The following FAM13A variants were observed in gnomAD, a reference collection of about 807,000 sequenced individuals.
FAM13A encodes family with sequence similarity 13 member A.
FAM13A carries 76 observed loss-of-function variants against 129.6 expected under a neutral mutation model. The ratio of observed to expected loss-of-function variants is 0.59; its 90% CI spans 0.49 to 0.71. The LOEUF (loss-of-function observed/expected upper bound fraction) is 0.71. FAM13A is among the 30% of genes least tolerant of loss of function. The pLI is 0.00. For synonymous variants in FAM13A, 443 were observed against 449.9 expected (o/e 0.98, Z 0.20); for missense variants, 1,108 against 1,249.3 (o/e 0.89, Z 1.70).
intron 7 of FAM13A, among the ~76,000 whole-genome samples, chr4:88,814,303 G>C (rs1442823762): frequency 2.0e-5 from 3 of 152,296 alleles, no homozygotes; most frequent in Admixed American, 2.0e-4. Flanking sequence ...GGCTCAGTTA[G>C]ATAAGCCACA....
intron 7 of FAM13A, among the ~76,000 whole-genome samples, chr4:88,816,124 G>A (rs986655611): frequency 6.6e-6 from 1 of 151,894 alleles, no homozygotes; most frequent in African/African-American, 2.4e-5. Flanking sequence ...AGAAGCAGAA[G>A]AGGAAACCTT....
chr4:88,977,790 C>T (rs191735146), intron 4 of FAM13A, among the ~76,000 whole-genome samples: 18 of 152,136 alleles, frequency 1.2e-4, no homozygotes, highest in African/African-American at 3.6e-4. Flanking sequence ...CTAATAGCTG[C>T]GTAATAAAGT....
At chr4:88,937,970 T>C in intron 5 of FAM13A, 118 bp downstream of exon 5, 2 of 713,476 alleles carry the variant, frequency 2.8e-6, no homozygotes, top group East Asian at 2.6e-5. Context: ...GGATTCACTA[T>C]ACACAGGAAT....
intron 10 of FAM13A, among the ~76,000 whole-genome samples, chr4:88,785,862 G>A (rs1329952501): frequency 6.6e-6 from 1 of 152,124 alleles, no homozygotes; most frequent in Admixed American, 6.6e-5. Context: ...GTTAGGTACT[G>A]TTTGTACCCC....
In FAM13A at chr4:88,747,732, C is replaced by T. The variant is rs1741670166; in HGVS notation, c.2281G>A (p.Val761Met). 1.2e-6 allele frequency: 2 copies of T among 1,614,186 alleles called. No individual in the cohort carries two copies. Among genetic ancestry groups the T allele is most frequent in the Non-Finnish European group, 8.5e-7 (1 of 1,180,000 alleles). The change falls in exon 18 of 24, where the codon GTG (valine) becomes ATG (methionine). Residue 761 changes from valine (V) to methionine (M), a missense_variant. Val to Met is a conservative substitution (Grantham distance 21, BLOSUM62 1). Transcript: ENST00000264344. ...EKEDEKKQEL[V>M]DKAIKPSVEA... The stretch of plus-strand genomic sequence containing the variant: ...ACACTGGGCTTTATTGCTTTATCCA[C>T]CAGCTCTTGCTTCTTCTCATCTTCT...
chr4:88,793,127 G>A (rs1305440944), intron 8 of FAM13A, among the ~76,000 whole-genome samples: 1 of 151,942 alleles, frequency 6.6e-6, no homozygotes, highest in Non-Finnish European at 1.5e-5. Context: ...GAGTGGCAGA[G>A]GCTCTTATCT....
intron 3 of FAM13A, among the ~76,000 whole-genome samples, chr4:89,018,067 A>C (rs894099369): frequency 2.0e-5 from 3 of 152,242 alleles, no homozygotes; most frequent in Non-Finnish European, 4.4e-5. Flanking sequence ...GTTTGAAAAT[A>C]GGTAAAACTT....
At chr4:88,949,773 T>C (rs1756627575) in intron 4 of FAM13A, among the ~76,000 whole-genome samples, 1 of 152,214 alleles carries the variant, frequency 6.6e-6, no homozygotes, top group Non-Finnish European at 1.5e-5. Context: ...GACATTGGTG[T>C]TTCCAGGAAC....
intron 7 of FAM13A, chr4:88,823,050 C>T (rs41282403): frequency 4.8e-5 from 78 of 1,612,080 alleles, no homozygotes; most frequent in Non-Finnish European, 6.1e-5. Flanking sequence ...GTCTCTTCCA[C>T]GGCAAGTTTG....
At chr4:88,756,862 G>A (rs1479004983) in intron 14 of FAM13A, among the ~76,000 whole-genome samples, 1 of 151,986 alleles carries the variant, frequency 6.6e-6, no homozygotes, top group African/African-American at 2.4e-5. Context: ...ACTGAAAGCA[G>A]TAATCAAATG....
chr4:88,924,240 C>T (rs938801821), intron 5 of FAM13A, among the ~76,000 whole-genome samples: 22 of 152,076 alleles, frequency 1.4e-4, no homozygotes, highest in African/African-American at 4.6e-4. Flanking sequence ...GAGCCCGCAT[C>T]GCCAAGTCAA....
intron 7 of FAM13A, among the ~76,000 whole-genome samples, chr4:88,807,996 A>G (rs1578754820): frequency 6.6e-6 from 1 of 152,206 alleles, no homozygotes; most frequent in Admixed American, 6.5e-5. Context: ...AGTCAGTATT[A>G]CATTTAGTCA....
chr4:89,017,696 T>C (rs1416070788), intron 3 of FAM13A, among the ~76,000 whole-genome samples: 1 of 152,172 alleles, frequency 6.6e-6, no homozygotes, highest in Non-Finnish European at 1.5e-5. Context: ...TTTACAATAA[T>C]TTTCCAAACT....
chr4:89,043,403 A>G (rs2149164319), intron 1 of FAM13A, among the ~76,000 whole-genome samples: 1 of 152,300 alleles, frequency 6.6e-6, no homozygotes, highest in South Asian at 2.1e-4. Flanking sequence ...GAGGGGCTGT[A>G]TTAAGAAAAC....
intron 4 of FAM13A, among the ~76,000 whole-genome samples, chr4:88,939,956 A>G (rs911216133): frequency 1.3e-5 from 2 of 152,196 alleles, no homozygotes; most frequent in African/African-American, 4.8e-5. Context: ...TAAAAACGCA[A>G]CCCAGTTAAT....
intron 8 of FAM13A, among the ~76,000 whole-genome samples, chr4:88,802,217 G>C (rs1224920486): frequency 6.6e-6 from 1 of 151,726 alleles, no homozygotes; most frequent in Non-Finnish European, 1.5e-5. Flanking sequence ...CTAAGGGTTT[G>C]GCATAACCTA....
chr4:88,755,781 A>C (rs1434967997), intron 14 of FAM13A, among the ~76,000 whole-genome samples: 1 of 152,188 alleles, frequency 6.6e-6, no homozygotes, highest in Non-Finnish European at 1.5e-5. Context: ...GATGAGTTAG[A>C]TATATGAAGT....
chr4:89,045,432 C>T (rs1770721224), intron 1 of FAM13A, among the ~76,000 whole-genome samples: 1 of 152,050 alleles, frequency 6.6e-6, no homozygotes, highest in Non-Finnish European at 1.5e-5. Flanking sequence ...CTTTGGAATC[C>T]CCAATGAAGA....
chr4:88,776,597 T>A (rs1721758922), intron 11 of FAM13A, among the ~76,000 whole-genome samples: 1 of 152,216 alleles, frequency 6.6e-6, no homozygotes, highest in Admixed American at 6.5e-5. Flanking sequence ...CTTCTGAACA[T>A]TTAAATTGCT....
Sources: allele counts gnomAD v4.1 joint callset (sites outside exome capture counted in the v4.1 genomes callset), GRCh38; gene constraint gnomAD v4.1.1; transcripts MANE v1.5; gene names NCBI Gene and HGNC (gene_info 2026-07-23, HGNC 2026-07-21).